The following RALY variants were observed in gnomAD, a reference collection of about 807,000 sequenced individuals.
RALY encodes the protein RALY heterogeneous nuclear ribonucleoprotein.
Under a neutral mutation model 30.7 loss-of-function variants are expected in RALY, and 15 were observed. The observed-to-expected ratio is 0.49, with a 90% confidence interval of 0.33 to 0.75. The LOEUF is 0.75. Among genes scored for constraint, RALY ranks in the 30% least tolerant of loss-of-function variants. The probability of loss-of-function intolerance (pLI) is 0.02; values close to 1 mark genes in which losing one functional copy is unlikely to be tolerated. For synonymous variants in RALY, 177 were observed against 170.8 expected (o/e 1.04, Z -0.28); for missense variants, 339 against 414.3 (o/e 0.82, Z 1.58).
At chr20:34,043,017 C>T (rs2032755893) in intron 2 of RALY, among the ~76,000 whole-genome samples, 2 of 152,230 alleles carry the variant, frequency 1.3e-5, no homozygotes, top group Non-Finnish European at 2.9e-5. Flanking sequence ...TGTGTTAAAG[C>T]CAGCTAGAGC....
intron 1 of RALY, among the ~76,000 whole-genome samples, chr20:34,013,179 G>A (rs1374020197): frequency 1.3e-5 from 2 of 151,860 alleles, no homozygotes; most frequent in African/African-American, 4.8e-5. Context: ...TAAGTTAGGT[G>A]TATTAAATGC....
intron 2 of RALY, among the ~76,000 whole-genome samples, chr20:34,039,016 A>G (rs560764809): frequency 6.6e-6 from 1 of 152,286 alleles, no homozygotes; most frequent in South Asian, 2.1e-4. Flanking sequence ...CCTCAGTTCT[A>G]CAAACAGGGA....
chr20:34,028,741 A>C (rs1250518873), intron 1 of RALY, among the ~76,000 whole-genome samples: 1 of 146,208 alleles, frequency 6.8e-6, no homozygotes, highest in African/African-American at 2.5e-5. Context: ...AAAACATGGC[A>C]GAGAGAGTGG....
chr20:34,044,069 G>A (rs527938022), intron 2 of RALY, among the ~76,000 whole-genome samples: 1 of 152,128 alleles, frequency 6.6e-6, no homozygotes, highest in South Asian at 2.1e-4. Context: ...TGAGGACAGA[G>A]GCACAGAAGC....
intron 1 of RALY, among the ~76,000 whole-genome samples, chr20:33,999,542 A>G (rs1257765199): frequency 1.3e-5 from 2 of 152,206 alleles, no homozygotes; most frequent in Admixed American, 6.5e-5. Flanking sequence ...AAAAGTTTAC[A>G]TTTTATCCAG....
intron 1 of RALY, among the ~76,000 whole-genome samples, chr20:34,004,705 A>T (rs992275896): frequency 6.6e-6 from 1 of 152,258 alleles, no homozygotes; most frequent in African/African-American, 2.4e-5. Flanking sequence ...ACATCATTTC[A>T]AGAAAGAAAT....
chr20:34,027,452 C>G (rs1388438985), intron 1 of RALY, among the ~76,000 whole-genome samples: 2 of 152,238 alleles, frequency 1.3e-5, no homozygotes, highest in African/African-American at 4.8e-5. Flanking sequence ...CACCTTGCAT[C>G]AAGGCCTGGC....
At chr20:34,008,592 A>C (rs1482538335) in intron 1 of RALY, among the ~76,000 whole-genome samples, 1 of 152,230 alleles carries the variant, frequency 6.6e-6, no homozygotes, top group African/African-American at 2.4e-5. Flanking sequence ...ATCAGAGGTC[A>C]CATACTGGTA....
chr20:34,013,869 A>G (rs1317555581), intron 1 of RALY, among the ~76,000 whole-genome samples: 1 of 152,216 alleles, frequency 6.6e-6, no homozygotes, highest in African/African-American at 2.4e-5. Flanking sequence ...ATGTGTATGC[A>G]TTGATACTTA....
intron 8 of RALY, among the ~76,000 whole-genome samples, chr20:34,078,236 GTGCAGGCTCTC>G (rs1227518385): frequency 1.3e-5 from 2 of 152,236 alleles, no homozygotes; most frequent in African/African-American, 4.8e-5. Flanking sequence ...GCCTTCTCCA[GTGCAGGCTCTC>G]TGCACAGAAA....
intron 1 of RALY, among the ~76,000 whole-genome samples, chr20:34,012,757 C>T (rs1393804740): frequency 6.6e-6 from 1 of 152,222 alleles, no homozygotes; most frequent in African/African-American, 2.4e-5. Context: ...TGGCCTTGGC[C>T]GCAAGGCTCA....
rs371777553 is a variant in RALY, at chr20:34,073,935, G to A, written c.377+69G>A. ...GGAAGGGTCTTGAGAGATTGTTGGTGCAGCCCACTGAGTTCTCCAAATGAG... is the reference window on the plus strand; with the variant it reads ...GGAAGGGTCTTGAGAGATTGTTGGTACAGCCCACTGAGTTCTCCAAATGAG... On this transcript the variant is annotated intron_variant, in intron 5 of 9. Coordinates refer to ENST00000246194, the MANE Select transcript of RALY (RefSeq NM_016732.3). The A allele has an allele frequency of 9.3e-5, 143 of 1,538,926 alleles. No homozygotes were observed. In the Middle Eastern group the frequency reaches 2.2e-3, roughly 24 times the overall value.
rs944765654 is a variant in RALY, at chr20:34,081,887, G to T, written c.*1982G>T. ...GTATTAGCTGCCCCAGGGGGATCAC[G>T]GTCCCCATATATTTGCTTGCCATGG... On this transcript the variant is annotated 3_prime_UTR_variant, in exon 10 of 10. Transcript: ENST00000246194. The T allele has an allele frequency of 6.6e-6, 1 of 152,314 alleles. No individual in the cohort carries two copies. The highest frequency in any genetic ancestry group is 6.5e-5 in the Admixed American group (1 of 15,292). 9.4% of individuals were successfully genotyped at this position (152,314 alleles called of 1,614,324 possible). A position where few individuals can be genotyped will look rare whatever the true frequency, so the allele number is the denominator to read the frequency against.
At chr20:34,057,394 G>A (rs1238536706) in intron 2 of RALY, among the ~76,000 whole-genome samples, 2 of 152,192 alleles carry the variant, frequency 1.3e-5, no homozygotes, top group Admixed American at 6.5e-5. Flanking sequence ...CCAGCCAGGT[G>A]TGGTGGCTCA....
intron 2 of RALY, among the ~76,000 whole-genome samples, chr20:34,042,555 ATG>A (rs1410269271): frequency 6.6e-6 from 1 of 152,160 alleles, no homozygotes; most frequent in Non-Finnish European, 1.5e-5. Context: ...AGGCTTGTGA[ATG>A]TGTGTACCTC....
chr20:34,002,342 C>T (rs1383326424), intron 1 of RALY, among the ~76,000 whole-genome samples: 1 of 152,230 alleles, frequency 6.6e-6, no homozygotes, highest in Non-Finnish European at 1.5e-5. Context: ...GGAGTCCCAA[C>T]AGCCTTCCAT....
At chr20:34,030,269 T>C (rs1323829459) in intron 1 of RALY, among the ~76,000 whole-genome samples, 3 of 152,240 alleles carry the variant, frequency 2.0e-5, no homozygotes, top group African/African-American at 7.2e-5. Flanking sequence ...TGGGCAAATG[T>C]ACTTAATTTC....
At chr20:33,994,310 C>G (rs1008592603) in intron 1 of RALY, 179 bp downstream of exon 1, 3 of 152,756 alleles carry the variant, frequency 2.0e-5, no homozygotes, top group Admixed American at 6.5e-5. Flanking sequence ...CTTTCTCCCA[C>G]TCGGACCCGC....
At chr20:34,053,504 C>T (rs1013733204) in intron 2 of RALY, among the ~76,000 whole-genome samples, 1 of 145,294 alleles carries the variant, frequency 6.9e-6, no homozygotes, top group Non-Finnish European at 1.5e-5. Flanking sequence ...CTCAAGCAGT[C>T]CTCCCACCTC....
Sources: gnomAD v4.1 joint callset for allele counts (sites outside exome capture counted in the v4.1 genomes callset) on GRCh38, gnomAD v4.1.1 for gene constraint, MANE v1.5 for transcripts, NCBI Gene and HGNC (gene_info 2026-07-23, HGNC 2026-07-21) for gene names.